CIB2: variants seen among roughly 807,000 people sequenced by gnomAD.
CIB2 encodes the protein calcium and integrin binding family member 2.
In CIB2, 19 loss-of-function variants were observed where a neutral mutation model predicts 23.1. The ratio of observed to expected loss-of-function variants is 0.82; its 90% CI spans 0.57 to 1.21. The LOEUF (loss-of-function observed/expected upper bound fraction) is 1.21. Among genes scored for constraint, CIB2 ranks in the 50% most tolerant of loss-of-function variants. The pLI is 0.00. For synonymous variants in CIB2, 94 were observed against 91.7 expected (o/e 1.03, Z -0.14); for missense variants, 220 against 241.5 (o/e 0.91, Z 0.59).
intron 1 of CIB2, among the ~76,000 whole-genome samples, chr15:78,125,078 T>C (rs1181018465): frequency 1.3e-5 from 2 of 152,154 alleles, no homozygotes; most frequent in Non-Finnish European, 2.9e-5. Context: ...GGGGTTCTCC[T>C]GGGGGTCTCA....
intron 2 of CIB2, among the ~76,000 whole-genome samples, chr15:78,113,540 T>C (rs111967464): frequency 7.2e-5 from 7 of 97,342 alleles, no homozygotes; most frequent in South Asian, 6.2e-4. Context: ...TTCTTTCTTT[T>C]TTTTTTTTGA....
intron 4 of CIB2, among the ~76,000 whole-genome samples, chr15:78,106,529 G>A (rs1159170840): frequency 6.6e-6 from 1 of 152,224 alleles, no homozygotes; most frequent in Non-Finnish European, 1.5e-5. Context: ...CAGGGAACAT[G>A]GTTTGATTCT....
At chr15:78,118,457 C>T (rs1478981432) in intron 2 of CIB2, among the ~76,000 whole-genome samples, 2 of 151,874 alleles carry the variant, frequency 1.3e-5, no homozygotes, top group East Asian at 1.9e-4. Context: ...GGCCTGGTGG[C>T]GCGTGCCTAT....
At chr15:78,107,650 C>T (rs1055597725) in intron 4 of CIB2, among the ~76,000 whole-genome samples, 6 of 152,190 alleles carry the variant, frequency 3.9e-5, no homozygotes, top group Non-Finnish European at 7.3e-5. Flanking sequence ...CCGGTCCATG[C>T]GATCTGCACG....
chr15:78,106,947 G>A (rs2074079843), intron 4 of CIB2, among the ~76,000 whole-genome samples: 1 of 152,124 alleles, frequency 6.6e-6, no homozygotes, highest in African/African-American at 2.4e-5. Context: ...ACAGAGAGGT[G>A]GCCAGGCGCG....
intron 2 of CIB2, among the ~76,000 whole-genome samples, chr15:78,123,331 G>A (rs1315637460): frequency 6.6e-6 from 1 of 152,182 alleles, no homozygotes; most frequent in Admixed American, 6.5e-5. Flanking sequence ...CCTGGAGTCA[G>A]AGGCTGGGTC....
At chr15:78,117,586 C>T (rs980041811) in intron 2 of CIB2, among the ~76,000 whole-genome samples, 4 of 152,106 alleles carry the variant, frequency 2.6e-5, no homozygotes, top group Non-Finnish European at 4.4e-5. Flanking sequence ...TAAATTACGT[C>T]GAAATAATAA....
At chr15:78,119,905 C>CT (rs528202535) in intron 2 of CIB2, among the ~76,000 whole-genome samples, 3,304 of 142,948 alleles carry the variant, frequency 0.023, 55 homozygotes, top group Middle Eastern at 0.077. Context: ...TACCATCTGC[C>CT]TTTTTTTTTT....
intron 2 of CIB2, among the ~76,000 whole-genome samples, chr15:78,117,185 T>C (rs1231201782): frequency 2.1e-5 from 3 of 142,912 alleles, no homozygotes; most frequent in African/African-American, 7.6e-5. Context: ...AATGATCTAT[T>C]TGGGATCTAG....
chr15:78,106,111 C>T (rs575201208), intron 4 of CIB2, among the ~76,000 whole-genome samples, 177 bp from the exon 5 acceptor site: 13 of 152,334 alleles, frequency 8.5e-5, no homozygotes, highest in Admixed American at 3.9e-4. Flanking sequence ...GCTTACCCAC[C>T]AGGCATCGCT....
rs1379726472 is a variant in CIB2, at chr15:78,104,620, T to A, written c.*691A>T. On this transcript the variant is annotated 3_prime_UTR_variant, in exon 6 of 6. Coordinates refer to ENST00000258930, the MANE Select transcript of CIB2 (RefSeq NM_006383.4). The surrounding 1 kb of genome is among the most constrained non-coding windows in gnomAD (Gnocchi z 4.4). ...AGAAGCAAAGGTACCCTCAAACATT[T>A]CCTAACATTAGCATACATGGAGAGC... 6.6e-6 allele frequency: 1 copy of A among 152,494 alleles called. No homozygotes were observed. Among genetic ancestry groups the A allele is most frequent in the East Asian group, 1.9e-4 (1 of 5,192 alleles). The allele number at this position is 152,494 out of a possible 1,614,324, so 9.4% of individuals were successfully genotyped here.
chr15:78,119,392 T>A (rs1163971445), intron 2 of CIB2, among the ~76,000 whole-genome samples: 1 of 152,202 alleles, frequency 6.6e-6, no homozygotes, highest in Non-Finnish European at 1.5e-5. Flanking sequence ...TGATTGTGGG[T>A]GTACAAACAT....
chr15:78,123,745 G>C lies in CIB2; in HGVS notation c.52-6C>G, dbSNP rs1309574358. The C allele has an allele frequency of 6.2e-7, 1 of 1,614,146 alleles. No individual in the cohort carries two copies. On this transcript the variant is annotated splice_polypyrimidine_tract_variant and splice_region_variant and intron_variant, in intron 1 of 5. Coordinates refer to ENST00000258930, the MANE Select transcript of CIB2 (RefSeq NM_006383.4). The stretch of plus-strand genomic sequence containing the variant: ...TTATTGAAGAAGGTGCAGTCCTGTT[G>C]AGGGAAAACACACAACACACAGTCA...
intron 1 of CIB2, among the ~76,000 whole-genome samples, chr15:78,129,118 G>A (rs1450475148): frequency 6.6e-6 from 1 of 152,070 alleles, no homozygotes; most frequent in Non-Finnish European, 1.5e-5. Context: ...CCCTGCCCAG[G>A]AAAGGTTAGA....
chr15:78,119,572 C>CTTTTTTT (rs1244131703), intron 2 of CIB2, among the ~76,000 whole-genome samples: 1 of 147,098 alleles, frequency 6.8e-6, no homozygotes, highest in African/African-American at 2.5e-5. Context: ...CATATATATA[C>CTTTTTTT]TTTTTTTTTT....
chr15:78,105,509 A>G, intron 5 of CIB2, 177 bp from the exon 6 acceptor site: 1 of 1,491,658 alleles, frequency 6.7e-7, no homozygotes, highest in Non-Finnish European at 8.9e-7. Flanking sequence ...AGCGGTGCCC[A>G]GGGAGTTCTG....
In CIB2 at chr15:78,131,240, C is replaced by T; in HGVS notation, c.-25G>A. The T allele has an allele frequency of 1.3e-6, 2 of 1,483,512 alleles. No individual in the cohort carries two copies. The highest frequency in any genetic ancestry group is 1.3e-5 in the South Asian group (1 of 77,586). 91.9% of individuals were successfully genotyped at this position (1,483,512 alleles called of 1,614,324 possible). A position where few individuals can be genotyped will look rare whatever the true frequency, so the allele number is the denominator to read the frequency against. On this transcript the variant is annotated 5_prime_UTR_variant, in exon 1 of 6. Transcript: ENST00000258930. The surrounding 1 kb of genome is among the most constrained non-coding windows in gnomAD (Gnocchi z 5.8). ...TGGTGGCCGCCGCGCCGCCGCTCGC[C>T]CGCCCGGGCTCCGACTCCCATCAGC...
chr15:78,123,707 G>A lies in CIB2; in HGVS notation c.84C>T (p.Leu28=), dbSNP rs900609049. The change falls in exon 2 of 6, where the codon CTC becomes CTT. Residue 28 remains leucine, a splice_region_variant and synonymous_variant. Coordinates refer to ENST00000258930, the MANE Select transcript of CIB2 (RefSeq NM_006383.4). The stretch of plus-strand genomic sequence containing the variant: ...GGTGAACGAGAAGCCACACTTACTT[G>A]AGGATGTCCTTCTTATTGAAGAAGG... The part of the protein sequence containing the change: ...DCTFFNKKDI[L]KLHSRFYELA... 2 of 1,614,100 alleles carry A rather than the reference G, an allele frequency of 1.2e-6. No homozygotes were observed. The highest frequency in any genetic ancestry group is 2.7e-5 in the African/African-American group (2 of 75,044).
chr15:78,123,396 G>T (rs1175362817), intron 2 of CIB2, among the ~76,000 whole-genome samples: 4 of 151,418 alleles, frequency 2.6e-5, no homozygotes, highest in African/African-American at 9.8e-5. Flanking sequence ...TCTGTCAAAT[G>T]GGGATAAATG....
Sources: allele counts gnomAD v4.1 joint callset (sites outside exome capture counted in the v4.1 genomes callset), GRCh38; gene constraint gnomAD v4.1.1; non-coding constraint Gnocchi (gnomAD v3.1); transcripts MANE v1.5; gene names NCBI Gene and HGNC (gene_info 2026-07-23, HGNC 2026-07-21).